IPP: variants seen among roughly 807,000 people sequenced by gnomAD.
IPP encodes actin-binding protein IPP.
Under a neutral mutation model 64.1 loss-of-function variants are expected in IPP, and 41 were observed. The observed-to-expected ratio is 0.64, with a 90% CI of 0.50 to 0.83. The LOEUF is 0.83. Among genes scored for constraint, IPP ranks in the 40% least tolerant of loss-of-function variants. The pLI is 0.00. For missense variants in IPP, 649 were observed against 703.0 expected (o/e 0.92, Z 0.87); for synonymous variants, 214 against 235.2 (o/e 0.91, Z 0.83).
chr1:45,749,501 T>G (rs140251864), intron 1 of IPP, among the ~76,000 whole-genome samples: 3,074 of 149,248 alleles, frequency 0.021, 116 homozygotes, highest in African/African-American at 0.072. Flanking sequence ...TTTGTTTTTT[T>G]TTTTTGTTTT....
At chr1:45,713,246 A>C (rs1020352931) in intron 8 of IPP, among the ~76,000 whole-genome samples, 2 of 152,008 alleles carry the variant, frequency 1.3e-5, no homozygotes, top group Admixed American at 6.6e-5. Context: ...TGGGTTACAT[A>C]GCGAGACCCT....
intron 1 of IPP, among the ~76,000 whole-genome samples, chr1:45,749,455 A>C (rs1570068005): frequency 6.7e-6 from 1 of 149,514 alleles, no homozygotes; most frequent in African/African-American, 2.5e-5. Flanking sequence ...TAACCCCAGC[A>C]CTTTGGGATG....
In IPP at chr1:45,716,969, G is replaced by C; in HGVS notation, c.1235C>G (p.Pro412Arg). The change falls in exon 7 of 9, where the codon CCT becomes CGT. Residue 412 changes from proline to arginine, a missense_variant. Physicochemically the swap from Pro to Arg is moderately radical, Grantham distance 103. Coordinates refer to ENST00000396478, the MANE Select transcript of IPP (RefSeq NM_005897.3). ...EIGNTIERFD[P>R]DENKWEVVGN... ...AACTACTTCCCATTTATTTTCATCA[G>C]GATCAAATCGTTCAATGGTGTTCCC... The C allele has an allele frequency of 6.2e-7, 1 of 1,612,954 alleles. No individual in the cohort carries two copies. The highest frequency in any genetic ancestry group is 2.2e-5 in the East Asian group (1 of 44,818).
rs756979985 is a variant in IPP, at chr1:45,735,466, C to CTTTTTT, written c.724+5429_724+5434dup. ...TTTATTTTTTATTGATTTAATTTTG[C>CTTTTTT]TTTTTTTTTTTTTTTTTTTTTTTTG... is the stretch of plus-strand genomic sequence containing the variant. On this transcript the variant is annotated intron_variant, in intron 3 of 8. Coordinates refer to ENST00000396478, the MANE Select transcript of IPP (RefSeq NM_005897.3). Among the ~76,000 whole-genome samples, 157 of 57,950 alleles carry CTTTTTT rather than the reference C, an allele frequency of 2.7e-3. 1 individual carries two copies. The highest frequency in any genetic ancestry group is 4.0e-3 in the East Asian group (8 of 1,998). The allele number at this position is 57,950 out of a possible 152,430, so 38.0% of individuals were successfully genotyped here.
intron 2 of IPP, among the ~76,000 whole-genome samples, chr1:45,742,526 G>A (rs1480530794): frequency 6.6e-6 from 1 of 152,134 alleles, no homozygotes; most frequent in Non-Finnish European, 1.5e-5. Context: ...GCCACATAAT[G>A]TTCATTTTTT....
downstream of IPP, chr1:45,697,261 T>A (rs1272187266): frequency 1.3e-5 from 2 of 152,036 alleles, no homozygotes; most frequent in Non-Finnish European, 2.9e-5. Context: ...TTTGTTTTAT[T>A]TTTTTTTGAG....
rs184942068 is a variant in IPP, at chr1:45,719,915, C to G, written c.1049-575G>C. Among the ~76,000 whole-genome samples the G allele has an allele frequency of 5.3e-3, 811 of 151,774 alleles. 10 individuals are homozygous for G. The highest frequency in any genetic ancestry group is 0.019 in the African/African-American group (784 of 41,374). On this transcript the variant is annotated intron_variant, in intron 5 of 8. Transcript: ENST00000396478. Reference sequence around the variant, plus strand: ...TAATTTTTTGTATTTTTAGTAGAGACGGGGTTTCACCTTGTTAGCCAGGAT... The same window carrying G: ...TAATTTTTTGTATTTTTAGTAGAGAGGGGGTTTCACCTTGTTAGCCAGGAT...
chr1:45,699,724 A>G lies in IPP; in HGVS notation c.*242T>C, dbSNP rs778752693. On this transcript the variant is annotated 3_prime_UTR_variant, in exon 9 of 9. Transcript: ENST00000396478. ...GTTGCCCAGAGTGGAGTGCAGTGGC[A>G]TGATCGTAGCTTACTACAACCTCAA... is the stretch of plus-strand genomic sequence containing the variant. 6 of 1,201,550 alleles carry G rather than the reference A, an allele frequency of 5.0e-6. No individual in the cohort carries two copies. In the South Asian group the frequency reaches 6.5e-5, roughly 13 times the overall value. 74.4% of individuals were successfully genotyped at this position (1,201,550 alleles called of 1,614,324 possible). A position where few individuals can be genotyped will look rare whatever the true frequency, so the allele number is the denominator to read the frequency against.
In IPP at chr1:45,724,194, G is replaced by C. The variant is rs576553641; in HGVS notation, c.1048+3437C>G. Among the ~76,000 whole-genome samples, 603 of 152,236 alleles carry C rather than the reference G, an allele frequency of 4.0e-3. 4 individuals carry two copies. The highest frequency in any genetic ancestry group is 0.01 in the Middle Eastern group (3 of 294). ...AGACGGGGTTTTGCTGTGTTGGCCG[G>C]GCTGGTCTCCAGCTCCTAACCGCGA... is the stretch of plus-strand genomic sequence containing the variant. On this transcript the variant is annotated intron_variant, in intron 5 of 8. Coordinates refer to ENST00000396478, the MANE Select transcript of IPP (RefSeq NM_005897.3).
At chr1:45,743,304 C>A (rs1646091885) in intron 2 of IPP, among the ~76,000 whole-genome samples, 1 of 149,222 alleles carries the variant, frequency 6.7e-6, no homozygotes, top group Non-Finnish European at 1.5e-5. Context: ...GTGGCATGGT[C>A]TCTGCTCACT....
At chr1:45,727,552 T>C (rs1570010859) in intron 5 of IPP, 79 bp downstream of exon 5, 2 of 613,590 alleles carry the variant, frequency 3.3e-6, no homozygotes, top group Non-Finnish European at 4.6e-6. Flanking sequence ...GTATATCACA[T>C]AGCAACATAT....
intron 8 of IPP, among the ~76,000 whole-genome samples, chr1:45,713,731 A>G (rs913347404): frequency 6.6e-6 from 1 of 151,978 alleles, no homozygotes; most frequent in African/African-American, 2.4e-5. Context: ...TGCCCAACTA[A>G]TTTTGTTATT....
intron 8 of IPP, 127 bp from the exon 9 acceptor site, chr1:45,700,317 C>A: frequency 7.6e-7 from 1 of 1,317,704 alleles, no homozygotes; most frequent in Non-Finnish European, 1.0e-6. Flanking sequence ...GTCAGGTAAG[C>A]ATACAGATTT....
intron 5 of IPP, among the ~76,000 whole-genome samples, chr1:45,726,768 G>C (rs1557751485): frequency 6.8e-6 from 1 of 147,190 alleles, no homozygotes; most frequent in Non-Finnish European, 1.5e-5. Context: ...TTGTTGCCCA[G>C]GCTGGAGTGC....
At chr1:45,730,839 A>C (rs891077156) in intron 3 of IPP, among the ~76,000 whole-genome samples, 6 of 152,218 alleles carry the variant, frequency 3.9e-5, no homozygotes, top group Non-Finnish European at 5.9e-5. Context: ...CACTAATAAT[A>C]ATTTGCAGAC....
chr1:45,724,599 G>T (rs1324306872), intron 5 of IPP, among the ~76,000 whole-genome samples: 1 of 140,442 alleles, frequency 7.1e-6, no homozygotes, highest in African/African-American at 2.7e-5. Flanking sequence ...GCCGCCCATC[G>T]TCTGAGATGT....
chr1:45,714,343 A>C lies in IPP; in HGVS notation c.1433T>G (p.Leu478Arg). ...GCAGTCATTGAGTGCAGCCACACCA[A>C]GATATGCTCTCCTGGTTCCCATTGG... ...LPPMGTRRAYLGVAALNDCIY... is the reference protein window; with the variant it reads ...LPPMGTRRAYRGVAALNDCIY... The change falls in exon 8 of 9, where the codon CTT (leucine) becomes CGT (arginine). Residue 478 changes from leucine (L) to arginine (R), a missense_variant. Physicochemically the swap from Leu to Arg is moderately radical, Grantham distance 102. Transcript: ENST00000396478. 1 of 1,613,778 alleles carries C rather than the reference A, an allele frequency of 6.2e-7. No homozygotes were observed. Among genetic ancestry groups the C allele is most frequent in the Admixed American group, 1.7e-5 (1 of 60,026 alleles).
At chr1:45,716,573 G>C (rs1200201635) in intron 7 of IPP, among the ~76,000 whole-genome samples, 1 of 152,158 alleles carries the variant, frequency 6.6e-6, no homozygotes, top group Non-Finnish European at 1.5e-5. Flanking sequence ...TCCCTACTTA[G>C]AAATATTTAC....
intron 8 of IPP, among the ~76,000 whole-genome samples, chr1:45,701,695 G>A (rs1435412654): frequency 1.3e-5 from 2 of 152,180 alleles, no homozygotes; most frequent in African/African-American, 4.8e-5. Context: ...CCAGGTAATG[G>A]GAGAACAGAT....
Sources: allele counts gnomAD v4.1 joint callset (sites outside exome capture counted in the v4.1 genomes callset), GRCh38; gene constraint gnomAD v4.1.1; transcripts MANE v1.5; gene names NCBI Gene and HGNC (gene_info 2026-07-23, HGNC 2026-07-21).